NEMP2: variants seen among roughly 807,000 people sequenced by gnomAD.
NEMP2 encodes the protein UPF0571 transmembrane protein.
NEMP2 carries 53 observed loss-of-function variants against 54.2 expected under a neutral mutation model. The observed-to-expected ratio is 0.98, with a 90% CI of 0.78 to 1.23. The LOEUF (loss-of-function observed/expected upper bound fraction) is 1.23, where lower values mean the gene tolerates loss of function less well. Ranked by LOEUF, NEMP2 falls within the 50% of genes most tolerant of loss-of-function variation. NEMP2 has a pLI of 0.00. For missense variants in NEMP2, 455 were observed against 511.3 expected, an observed-to-expected ratio of 0.89 and a Z score of 1.06; for synonymous variants, 197 against 190.3, an observed-to-expected ratio of 1.04 and a Z score of -0.29.
chr2:190,604,552 C>T, the NEMP2 span, among the ~76,000 whole-genome samples: 2 of 152,126 alleles, frequency 1.3e-5, no homozygotes, highest in African/African-American at 4.8e-5. This position sits in a 1 kb window ranked among gnomAD's most constrained non-coding sequence, Gnocchi z 4.5. Context: ...CTGAACACAA[C>T]CTTGAAGACA....
chr2:190,488,183 G>A, the NEMP2 span, among the ~76,000 whole-genome samples: 2 of 152,238 alleles, frequency 1.3e-5, no homozygotes, highest in East Asian at 3.8e-4. This position sits in a 1 kb window ranked among gnomAD's most constrained non-coding sequence, Gnocchi z 6.4. Flanking sequence ...TTACAGGCGT[G>A]AGCCACTGCG....
chr2:190,496,599 TAAAG>T, the NEMP2 span, among the ~76,000 whole-genome samples: 2 of 152,118 alleles, frequency 1.3e-5, no homozygotes, highest in African/African-American at 4.8e-5. This position sits in a 1 kb window ranked among gnomAD's most constrained non-coding sequence, Gnocchi z 4.7. Context: ...AATGAGTGGA[TAAAG>T]AAACTGTAGT....
chr2:190,578,826 C>G, the NEMP2 span, among the ~76,000 whole-genome samples: 1 of 151,922 alleles, frequency 6.6e-6, no homozygotes, highest in Non-Finnish European at 1.5e-5. The surrounding 1 kb of genome is among the most constrained non-coding windows in gnomAD (Gnocchi z 4.4). Flanking sequence ...GCCAGGAACA[C>G]CCATTTCACA....
chr2:190,553,695 G>C, the NEMP2 span, among the ~76,000 whole-genome samples: 1 of 152,222 alleles, frequency 6.6e-6, no homozygotes, highest in African/African-American at 2.4e-5. Flanking sequence ...TTTGATTCAT[G>C]ATAGGTGTGA....
At chr2:190,537,417 T>G (rs990370377), upstream of NEMP2, among the ~76,000 whole-genome samples, 39 of 152,164 alleles carry the variant, frequency 2.6e-4, no homozygotes, top group Admixed American at 2.6e-3. Context: ...GTGAGTGAGT[T>G]CTCATGAAAT....
chr2:190,642,248 T>C, the NEMP2 span, among the ~76,000 whole-genome samples: 2 of 152,156 alleles, frequency 1.3e-5, no homozygotes, highest in Admixed American at 6.5e-5. The surrounding 1 kb of genome is among the most constrained non-coding windows in gnomAD (Gnocchi z 4.1). Context: ...ACAACAGAGA[T>C]TGCATTATAA....
At chr2:190,463,185 A>G in the NEMP2 span, among the ~76,000 whole-genome samples, 2 of 152,180 alleles carry the variant, frequency 1.3e-5, no homozygotes, top group African/African-American at 2.4e-5. This position sits in a 1 kb window ranked among gnomAD's most constrained non-coding sequence, Gnocchi z 4.4. Flanking sequence ...GAGGAGGGGG[A>G]CAGTTATGAG....
the NEMP2 span, among the ~76,000 whole-genome samples, chr2:190,456,999 C>G: frequency 6.6e-6 from 1 of 152,156 alleles, no homozygotes; most frequent in Admixed American, 6.5e-5. This position sits in a 1 kb window ranked among gnomAD's most constrained non-coding sequence, Gnocchi z 5.4. Flanking sequence ...CCAACATAAA[C>G]GTTCATCCAG....
the NEMP2 span, among the ~76,000 whole-genome samples, chr2:190,624,107 A>ACCCTATCT: frequency 3.3e-5 from 5 of 152,114 alleles, no homozygotes; most frequent in African/African-American, 1.2e-4. Context: ...ACATAGTGAG[A>ACCCTATCT]CCCTATCTCC....
chr2:190,437,061 C>T, the NEMP2 span: 58 of 1,614,102 alleles, frequency 3.6e-5, no homozygotes, highest in African/African-American at 3.2e-4. This position sits in a 1 kb window ranked among gnomAD's most constrained non-coding sequence, Gnocchi z 5.9. Context: ...CTGTGGGCAT[C>T]GGGATCGACT....
the NEMP2 span, among the ~76,000 whole-genome samples, chr2:190,639,377 G>T: frequency 9.7e-6 from 1 of 102,962 alleles, no homozygotes; most frequent in Non-Finnish European, 2.3e-5. Context: ...AGATTTTGTT[G>T]ACCTCCTGGT....
intron 5 of NEMP2, among the ~76,000 whole-genome samples, chr2:190,516,997 G>A (rs1309172791): frequency 6.6e-6 from 1 of 151,404 alleles, no homozygotes; most frequent in Non-Finnish European, 1.5e-5. Context: ...AGGCTGAGGC[G>A]GGAGGATCAC....
At chr2:190,463,914 G>A in the NEMP2 span, 6 of 983,608 alleles carry the variant, frequency 6.1e-6, no homozygotes, top group Middle Eastern at 5.2e-4. The surrounding 1 kb of genome is among the most constrained non-coding windows in gnomAD (Gnocchi z 4.4). Context: ...TACAGAAAAC[G>A]TAATCCAGTT....
the NEMP2 span, among the ~76,000 whole-genome samples, chr2:190,578,717 G>T: frequency 3.3e-5 from 5 of 151,304 alleles, no homozygotes; most frequent in East Asian, 9.9e-4. The surrounding 1 kb of genome is among the most constrained non-coding windows in gnomAD (Gnocchi z 4.4). Context: ...TTAGGGAGGG[G>T]TTTTATTGGT....
chr2:190,422,598 A>T, the NEMP2 span, among the ~76,000 whole-genome samples: 2 of 152,144 alleles, frequency 1.3e-5, no homozygotes, highest in African/African-American at 4.8e-5. Flanking sequence ...GATGCTTATT[A>T]TGTGAAATAT....
At chr2:190,494,347 T>A in the NEMP2 span, among the ~76,000 whole-genome samples, 4 of 151,842 alleles carry the variant, frequency 2.6e-5, no homozygotes, top group Non-Finnish European at 5.9e-5. The surrounding 1 kb of genome is among the most constrained non-coding windows in gnomAD (Gnocchi z 5.7). Context: ...TGAGACTGAA[T>A]CAGTAATAAA....
chr2:190,622,050 T>C, the NEMP2 span, among the ~76,000 whole-genome samples: 1 of 152,118 alleles, frequency 6.6e-6, no homozygotes, highest in Non-Finnish European at 1.5e-5. Context: ...GATGTTGTAG[T>C]GAGCATGCCA....
At chr2:190,456,630 C>T in the NEMP2 span, among the ~76,000 whole-genome samples, 2 of 152,244 alleles carry the variant, frequency 1.3e-5, no homozygotes, top group African/African-American at 2.4e-5. This position sits in a 1 kb window ranked among gnomAD's most constrained non-coding sequence, Gnocchi z 5.4. Flanking sequence ...TCACACCCCT[C>T]TCCTTTCACA....
At chr2:190,537,066 A>G (rs951872248), upstream of NEMP2, among the ~76,000 whole-genome samples, 3 of 152,236 alleles carry the variant, frequency 2.0e-5, no homozygotes, top group Admixed American at 6.5e-5. Flanking sequence ...TGACCCATAT[A>G]TTGGGCTAGA....
Sources: allele counts gnomAD v4.1 joint callset (sites outside exome capture counted in the v4.1 genomes callset), GRCh38; gene constraint gnomAD v4.1.1; non-coding constraint Gnocchi (gnomAD v3.1); transcripts MANE v1.5; gene names NCBI Gene and HGNC (gene_info 2026-07-23, HGNC 2026-07-21).